Variants in TACR3 observed in about 807,000 individuals in gnomAD.
TACR3 encodes the protein neuromedin-K receptor.
Under a neutral mutation model 35.0 loss-of-function variants are expected in TACR3, and 34 were observed. The ratio of observed to expected loss-of-function variants is 0.97; its 90% CI spans 0.74 to 1.30. The LOEUF is 1.30. Ranked by LOEUF, TACR3 falls within the 50% of genes most tolerant of loss-of-function variation. The probability of loss-of-function intolerance (pLI) is 0.00; values close to 1 mark genes in which losing one functional copy is unlikely to be tolerated. For synonymous variants in TACR3, 233 were observed against 221.1 expected (o/e 1.05, Z -0.48); for missense variants, 558 against 591.7 (o/e 0.94, Z 0.59).
chr4:103,703,055 A>C (rs1299266319), intron 1 of TACR3, among the ~76,000 whole-genome samples: 2 of 152,182 alleles, frequency 1.3e-5, no homozygotes, highest in Admixed American at 1.3e-4. Flanking sequence ...GTATAATAAA[A>C]AATAATAAAA....
intron 1 of TACR3, among the ~76,000 whole-genome samples, chr4:103,707,858 T>TG (rs1722831457): frequency 6.6e-6 from 1 of 152,182 alleles, no homozygotes; most frequent in African/African-American, 2.4e-5. Flanking sequence ...GATTATATCC[T>TG]GCGCCTGGCT....
intron 1 of TACR3, among the ~76,000 whole-genome samples, chr4:103,687,579 C>T (rs977712952): frequency 1.6e-4 from 24 of 152,022 alleles, no homozygotes; most frequent in Non-Finnish European, 4.4e-5. Flanking sequence ...GTACAAAAAT[C>T]ACAAGCATTC....
At chr4:103,606,367 C>T (rs961229435) in intron 3 of TACR3, among the ~76,000 whole-genome samples, 2 of 152,116 alleles carry the variant, frequency 1.3e-5, no homozygotes, top group African/African-American at 4.8e-5. Context: ...TGAAGAAAGT[C>T]AGTGGTAGTT....
chr4:103,693,289 T>C (rs1044674510), intron 1 of TACR3, among the ~76,000 whole-genome samples: 5 of 152,190 alleles, frequency 3.3e-5, no homozygotes, highest in Non-Finnish European at 7.4e-5. Flanking sequence ...GAAACTGTAT[T>C]GTTAAAAATT....
At chr4:103,600,071 A>T (rs1217169497) in intron 3 of TACR3, among the ~76,000 whole-genome samples, 1 of 152,058 alleles carries the variant, frequency 6.6e-6, no homozygotes. Flanking sequence ...TTCGGCTGTG[A>T]ATCCATCTGG....
At chr4:103,640,726 C>T (rs894070224) in intron 3 of TACR3, among the ~76,000 whole-genome samples, 5 of 151,444 alleles carry the variant, frequency 3.3e-5, no homozygotes, top group African/African-American at 9.7e-5. Context: ...TTTTGTAAAA[C>T]GTTATGAGAT....
chr4:103,608,230 A>C (rs1024658069), intron 3 of TACR3, among the ~76,000 whole-genome samples: 3 of 152,124 alleles, frequency 2.0e-5, no homozygotes, highest in African/African-American at 7.2e-5. Context: ...ACATAGCCAT[A>C]AAAGTATAAA....
At chr4:103,616,685 G>A (rs546169713) in intron 3 of TACR3, among the ~76,000 whole-genome samples, 19 of 152,240 alleles carry the variant, frequency 1.2e-4, no homozygotes, top group Middle Eastern at 3.4e-3. Flanking sequence ...AGTGGCTCAC[G>A]CCTGTAATTT....
intron 3 of TACR3, among the ~76,000 whole-genome samples, chr4:103,625,060 C>G (rs1212919851): frequency 6.6e-6 from 1 of 152,068 alleles, no homozygotes; most frequent in Admixed American, 6.6e-5. Flanking sequence ...GAACTGACTT[C>G]AGAAGAAATG....
At chr4:103,620,757 G>A (rs1426310480) in intron 3 of TACR3, among the ~76,000 whole-genome samples, 1 of 151,946 alleles carries the variant, frequency 6.6e-6, no homozygotes, top group Non-Finnish European at 1.5e-5. Context: ...GGGTGGGGGT[G>A]GATTTAAAAA....
intron 3 of TACR3, among the ~76,000 whole-genome samples, chr4:103,654,245 C>T (rs972572576): frequency 2.2e-4 from 34 of 151,436 alleles, no homozygotes; most frequent in Non-Finnish European, 4.3e-4. Context: ...GACACATGCA[C>T]ACGTATGTTT....
intron 1 of TACR3, among the ~76,000 whole-genome samples, chr4:103,716,542 C>G (rs923956192): frequency 6.6e-6 from 1 of 151,958 alleles, no homozygotes; most frequent in Admixed American, 6.6e-5. Flanking sequence ...AACTCAATGC[C>G]TTTTATTATA....
chr4:103,692,349 T>C (rs1299347022), intron 1 of TACR3, among the ~76,000 whole-genome samples: 4 of 152,088 alleles, frequency 2.6e-5, no homozygotes, highest in African/African-American at 4.8e-5. Context: ...ATAAAAGGGA[T>C]CAGTTCACAG....
chr4:103,606,140 T>C (rs976814330), intron 3 of TACR3, among the ~76,000 whole-genome samples: 5 of 151,828 alleles, frequency 3.3e-5, no homozygotes, highest in Admixed American at 6.6e-5. Flanking sequence ...GTTGTAGATA[T>C]GTGGCATTAT....
At chr4:103,717,163 ATTG>A (rs1234666182) in intron 1 of TACR3, among the ~76,000 whole-genome samples, 1 of 152,126 alleles carries the variant, frequency 6.6e-6, no homozygotes, top group South Asian at 2.1e-4. Flanking sequence ...AGTTTTAATA[ATTG>A]TTGTATTTTG....
chr4:103,628,393 G>C (rs1047513252), intron 3 of TACR3, among the ~76,000 whole-genome samples: 2 of 151,592 alleles, frequency 1.3e-5, no homozygotes, highest in African/African-American at 4.9e-5. Flanking sequence ...ATTGATGATA[G>C]ACTGCTAGCA....
At chr4:103,605,641 T>G (rs967070320) in intron 3 of TACR3, among the ~76,000 whole-genome samples, 1 of 152,192 alleles carries the variant, frequency 6.6e-6, no homozygotes, top group African/African-American at 2.4e-5. Context: ...GAGAAGTGTC[T>G]GTTCATGTCC....
At chr4:103,651,847 G>C (rs1463637286) in intron 3 of TACR3, among the ~76,000 whole-genome samples, 1 of 151,956 alleles carries the variant, frequency 6.6e-6, no homozygotes, top group Admixed American at 6.6e-5. Flanking sequence ...CAAGGCAGTG[G>C]GTTCCCTTCT....
At chr4:103,653,895 C>G (rs1435687117) in intron 3 of TACR3, among the ~76,000 whole-genome samples, 1 of 152,154 alleles carries the variant, frequency 6.6e-6, no homozygotes, top group Admixed American at 6.6e-5. Flanking sequence ...AGGATATGAA[C>G]AGATACTTCT....
Sources: allele counts gnomAD v4.1 joint callset (sites outside exome capture counted in the v4.1 genomes callset), GRCh38; gene constraint gnomAD v4.1.1; transcripts MANE v1.5; gene names NCBI Gene and HGNC (gene_info 2026-07-23, HGNC 2026-07-21).